PTPRM: variants seen among roughly 807,000 people sequenced by gnomAD.
PTPRM encodes receptor-type tyrosine-protein phosphatase mu.
A neutral mutation model predicts 186.7 loss-of-function variants in PTPRM; 47 were observed. That is an observed-to-expected ratio of 0.25 (90% CI 0.20 to 0.32). The LOEUF is 0.32. Among genes scored for constraint, PTPRM ranks in the 10% least tolerant of loss-of-function variants. The pLI is 1.00. For synonymous variants in PTPRM, 668 were observed against 674.9 expected (o/e 0.99, Z 0.16); for missense variants, 1,494 against 1,865.0 (o/e 0.80, Z 3.66).
chr18:7,676,627 CTG>C (rs751900694), intron 1 of PTPRM, among the ~76,000 whole-genome samples: 21,325 of 140,890 alleles, frequency 0.15, 1,916 homozygotes, highest in East Asian at 0.37. Context: ...GAGATTCTAG[CTG>C]TGTGTGTGTG....
At chr18:7,766,441 CTT>C (rs889953760) in intron 1 of PTPRM, among the ~76,000 whole-genome samples, 18 of 152,208 alleles carry the variant, frequency 1.2e-4, no homozygotes, top group African/African-American at 4.3e-4. Flanking sequence ...GGAGGAGACT[CTT>C]TCATTGCTGA....
intron 1 of PTPRM, among the ~76,000 whole-genome samples, chr18:7,679,852 C>CT (rs778592330): frequency 6.6e-6 from 1 of 151,318 alleles, no homozygotes; most frequent in Non-Finnish European, 1.5e-5. Flanking sequence ...TGACAATAGA[C>CT]TTTTTTTGAA....
At chr18:7,693,918 A>G (rs2144662727) in intron 1 of PTPRM, among the ~76,000 whole-genome samples, 1 of 152,282 alleles carries the variant, frequency 6.6e-6, no homozygotes, top group Admixed American at 6.5e-5. Flanking sequence ...TGGCGTTTTC[A>G]AAAATGGGAA....
At chr18:7,858,416 C>T (rs1190630743) in intron 2 of PTPRM, among the ~76,000 whole-genome samples, 1 of 151,970 alleles carries the variant, frequency 6.6e-6, no homozygotes, top group Non-Finnish European at 1.5e-5. Flanking sequence ...TTAAATAAGC[C>T]AGGCATCATG....
At position 8,086,284 on chromosome 18, in the gene PTPRM, C is replaced by A. The variant is rs138887818; in HGVS notation, c.1753+412C>A. Among the ~76,000 whole-genome samples, 176 of 152,256 alleles carry A rather than the reference C, an allele frequency of 1.2e-3. No homozygotes were observed. In the Middle Eastern group the frequency reaches 0.02, roughly 18 times the overall value. On this transcript the variant is annotated intron_variant, in intron 10 of 32. Coordinates refer to ENST00000580170, the MANE Select transcript of PTPRM (RefSeq NM_001105244.2). ...CCTGAAGGATCAGCCTCCTTGGGAT[C>A]TCTACCATAAGAAACTTCTGTCCTG...
At chr18:7,705,325 A>G (rs200387012) in intron 1 of PTPRM, among the ~76,000 whole-genome samples, 1,444 of 140,232 alleles carry the variant, frequency 0.01, 24 homozygotes, top group African/African-American at 0.032. Flanking sequence ...CTATCTATCT[A>G]TCTGTCTATC....
At chr18:8,039,519 C>A (rs866609856) in intron 7 of PTPRM, among the ~76,000 whole-genome samples, 1 of 152,020 alleles carries the variant, frequency 6.6e-6, no homozygotes, top group Non-Finnish European at 1.5e-5. Context: ...CTGCTAAGTT[C>A]CGTATTTTTC....
intron 19 of PTPRM, among the ~76,000 whole-genome samples, chr18:8,264,831 T>C (rs900458100): frequency 6.6e-6 from 1 of 151,560 alleles, no homozygotes; most frequent in Non-Finnish European, 1.5e-5. Context: ...ACAGAGATGT[T>C]TATTTCTAAC....
chr18:7,687,990 A>T (rs1474697896), intron 1 of PTPRM, among the ~76,000 whole-genome samples: 1 of 151,890 alleles, frequency 6.6e-6, no homozygotes, highest in East Asian at 1.9e-4. Context: ...GTTGGCCAGG[A>T]TGGTCTCGAT....
intron 2 of PTPRM, among the ~76,000 whole-genome samples, chr18:7,870,792 G>A (rs2047944598): frequency 6.6e-6 from 1 of 152,140 alleles, no homozygotes; most frequent in African/African-American, 2.4e-5. Context: ...GGGCCTGGCT[G>A]TAGACTCTAT....
At chr18:7,875,212 G>T (rs545125833) in intron 2 of PTPRM, among the ~76,000 whole-genome samples, 8 of 152,010 alleles carry the variant, frequency 5.3e-5, no homozygotes, top group Non-Finnish European at 7.4e-5. Flanking sequence ...GAAAAAAAAA[G>T]AAATTCTTTA....
intron 3 of PTPRM, among the ~76,000 whole-genome samples, 190 bp from the exon 4 acceptor site, chr18:7,906,313 TCC>T (rs1251690187): frequency 6.6e-6 from 1 of 152,114 alleles, no homozygotes; most frequent in East Asian, 1.9e-4. Context: ...CCTATTGACC[TCC>T]CTGAAGACTG....
intron 2 of PTPRM, among the ~76,000 whole-genome samples, chr18:7,799,721 T>C (rs2043854098): frequency 6.6e-6 from 1 of 152,200 alleles, no homozygotes; most frequent in Admixed American, 6.5e-5. Flanking sequence ...AAAAAAAATG[T>C]TGCTGATACA....
chr18:7,636,534 C>T (rs1331913241), intron 1 of PTPRM, among the ~76,000 whole-genome samples: 5 of 152,156 alleles, frequency 3.3e-5, no homozygotes, highest in Non-Finnish European at 7.3e-5. Flanking sequence ...GCATGGCCCT[C>T]CATTGGACAA....
intron 2 of PTPRM, among the ~76,000 whole-genome samples, chr18:7,794,542 T>C (rs565947124): frequency 1.6e-4 from 25 of 152,294 alleles, no homozygotes; most frequent in African/African-American, 5.5e-4. Flanking sequence ...AGTCTCATCA[T>C]TAGACTTTCC....
At chr18:8,356,428 A>G (rs935465834) in intron 23 of PTPRM, among the ~76,000 whole-genome samples, 4 of 152,206 alleles carry the variant, frequency 2.6e-5, no homozygotes, top group Non-Finnish European at 5.9e-5. Flanking sequence ...ATTCAACCTT[A>G]CAAGAGATGA....
intron 18 of PTPRM, among the ~76,000 whole-genome samples, chr18:8,252,957 G>A (rs1316900456): frequency 6.6e-6 from 1 of 152,200 alleles, no homozygotes; most frequent in Non-Finnish European, 1.5e-5. Flanking sequence ...TTTAGCACTG[G>A]AAGGCTAAAG....
At chr18:7,843,436 A>G (rs1009104958) in intron 2 of PTPRM, among the ~76,000 whole-genome samples, 3 of 152,156 alleles carry the variant, frequency 2.0e-5, no homozygotes, top group African/African-American at 7.2e-5. Flanking sequence ...GCCCTTATAG[A>G]TAGTTTATTC....
intron 1 of PTPRM, among the ~76,000 whole-genome samples, chr18:7,656,133 T>G (rs2144331522): frequency 6.6e-6 from 1 of 152,336 alleles, no homozygotes; most frequent in South Asian, 2.1e-4. Flanking sequence ...ACACACATGT[T>G]CATTGCAGCA....
Sources: gnomAD v4.1 joint callset for allele counts (sites outside exome capture counted in the v4.1 genomes callset) on GRCh38, gnomAD v4.1.1 for gene constraint, MANE v1.5 for transcripts, NCBI Gene and HGNC (gene_info 2026-07-23, HGNC 2026-07-21) for gene names.